The following AHR variants were observed in gnomAD, a reference collection of about 807,000 sequenced individuals.
The protein encoded by AHR is AH-receptor.
A neutral mutation model predicts 86.8 loss-of-function variants in AHR; 40 were observed. The ratio of observed to expected loss-of-function variants is 0.46; its 90% CI spans 0.36 to 0.60. The LOEUF (loss-of-function observed/expected upper bound fraction) is 0.60, where lower values mean the gene tolerates loss of function less well. Among genes scored for constraint, AHR ranks in the 20% least tolerant of loss-of-function variants. The pLI is 0.00. For synonymous variants in AHR, 398 were observed against 354.9 expected (o/e 1.12, Z -1.37); for missense variants, 1,001 against 1,011.6 (o/e 0.99, Z 0.14).
chr7:17,343,811 A>T lies in AHR; in HGVS notation c.*747A>T, dbSNP rs187272302. The T allele has an allele frequency of 2.6e-5, 4 of 152,650 alleles. No individual in the cohort carries two copies. Among genetic ancestry groups the T allele is most frequent in the African/African-American group, 9.6e-5 (4 of 41,456 alleles). The allele number at this position is 152,650 out of a possible 1,614,324, so 9.5% of individuals were successfully genotyped here. ...TAAAGGGCAAATAATGATCGAAAAAATAATTATTTATTACATAATTTAGTT... is the reference window on the plus strand; with the variant it reads ...TAAAGGGCAAATAATGATCGAAAAATTAATTATTTATTACATAATTTAGTT... On this transcript the variant is annotated 3_prime_UTR_variant, in exon 11 of 11. Transcript: ENST00000242057.
Position 17,339,324 on chromosome 7 carries a change from C to G in AHR, c.1499C>G (p.Thr500Ser), listed in dbSNP as rs372146849. The G allele has an allele frequency of 2.5e-6, 4 of 1,614,184 alleles. No homozygotes were observed. Among genetic ancestry groups the G allele is most frequent in the Non-Finnish European group, 3.4e-6 (4 of 1,180,036 alleles). ...MNECRNWQDN[T>S]APMGNDTILK... is the part of the protein sequence containing the mutation. ...GAATGCAGAAATTGGCAAGATAATA[C>G]TGCACCGATGGGAAATGATACTATC... The change falls in exon 10 of 11, where the codon ACT becomes AGT. Residue 500 changes from threonine (T) to serine (S), a missense_variant. Thr to Ser is a moderately conservative substitution (Grantham distance 58). Around this residue, in one of 2 missense-constraint regions of AHR, gnomAD observed 607 missense variants for 543.1 expected, o/e 1.12. Coordinates refer to ENST00000242057, the MANE Select transcript of AHR (RefSeq NM_001621.5).
intron 2 of AHR, among the ~76,000 whole-genome samples, chr7:17,316,352 C>G (rs137954199): frequency 6.6e-6 from 1 of 152,176 alleles, no homozygotes. Flanking sequence ...GGCTCTGTGG[C>G]TCATGCCTGT....
chr7:17,338,038 A>C (rs373285922), intron 9 of AHR, among the ~76,000 whole-genome samples: 1 of 151,412 alleles, frequency 6.6e-6, no homozygotes, highest in East Asian at 2.0e-4. Flanking sequence ...TCTCTACTAA[A>C]AATACAAAAA....
At chr7:17,321,161 A>G (rs1782168452) in intron 2 of AHR, among the ~76,000 whole-genome samples, 1 of 152,060 alleles carries the variant, frequency 6.6e-6, no homozygotes, top group African/African-American at 2.4e-5. Flanking sequence ...TCTTATTCAA[A>G]TATCACAGGT....
At chr7:17,299,428 G>A in intron 1 of AHR, 99 bp downstream of exon 1, 1 of 1,381,034 alleles carries the variant, frequency 7.2e-7, no homozygotes, top group Non-Finnish European at 9.9e-7. Flanking sequence ...TGCGATCCTG[G>A]GATTAGGTCC....
intron 1 of AHR, among the ~76,000 whole-genome samples, chr7:17,303,153 T>G (rs1435885736): frequency 2.0e-5 from 3 of 152,084 alleles, no homozygotes; most frequent in African/African-American, 7.2e-5. Context: ...GACTGTTTAT[T>G]AGCACTTATT....
chr7:17,308,807 CCACATACAT>C (rs1554265579), intron 1 of AHR, among the ~76,000 whole-genome samples: 31 of 152,154 alleles, frequency 2.0e-4, no homozygotes, highest in Non-Finnish European at 7.4e-5. Flanking sequence ...TATTACTTCT[CCACATACAT>C]CACTGAAAAG....
chr7:17,323,451 G>C lies in AHR; in HGVS notation c.360+844G>C, dbSNP rs183399737. 3.0e-3 allele frequency among the ~76,000 whole-genome samples: 453 copies of C among 151,944 alleles called. 3 individuals carry two copies. The highest frequency in any genetic ancestry group is 0.01 in the African/African-American group (415 of 41,466). ...TCTAATTTGTCTATGAAAGCATTTT[G>C]CATCTTTTTTTACTCTTTTTTTTAG... On this transcript the variant is annotated intron_variant, in intron 3 of 10. Coordinates refer to ENST00000242057, the MANE Select transcript of AHR (RefSeq NM_001621.5).
intron 3 of AHR, among the ~76,000 whole-genome samples, chr7:17,327,534 A>T (rs1782241861): frequency 6.6e-6 from 1 of 151,936 alleles, no homozygotes; most frequent in African/African-American, 2.4e-5. Context: ...TATTCTACCA[A>T]AGTTATTCTG....
intron 2 of AHR, among the ~76,000 whole-genome samples, chr7:17,320,380 G>A (rs1006862834): frequency 6.6e-6 from 1 of 151,974 alleles, no homozygotes; most frequent in Non-Finnish European, 1.5e-5. Flanking sequence ...TGATCAAGTA[G>A]TTATCTCTTA....
At chr7:17,299,932 A>G (rs1256162421) in intron 1 of AHR, among the ~76,000 whole-genome samples, 2 of 152,230 alleles carry the variant, frequency 1.3e-5, no homozygotes, top group African/African-American at 4.8e-5. Flanking sequence ...TAGAAGTGGT[A>G]GCAGGTGGGA....
chr7:17,325,085 G>C (rs1475191357), intron 3 of AHR, among the ~76,000 whole-genome samples: 1 of 152,156 alleles, frequency 6.6e-6, no homozygotes, highest in Non-Finnish European at 1.5e-5. Context: ...GATAGGTTGA[G>C]TGAATCTTTG....
chr7:17,340,044 C>T lies in AHR; in HGVS notation c.2219C>T (p.Thr740Ile). The change falls in exon 10 of 11, where the codon ACT becomes ATT. Residue 740 changes from threonine to isoleucine, a missense_variant. This residue lies in a region of AHR where 607 missense variants were observed against 543.1 expected (regional missense o/e 1.12). Coordinates refer to ENST00000242057, the MANE Select transcript of AHR (RefSeq NM_001621.5). ...ACTTCTAGTTTAGAAGATTTTGTCA[C>T]TTGTTTACAACTTCCTGAAAACCAA... ...PTTSSLEDFVTCLQLPENQKH... is the reference protein window; with the variant it reads ...PTTSSLEDFVICLQLPENQKH... 1.2e-6 allele frequency: 2 copies of T among 1,614,204 alleles called. No homozygotes were observed. Among genetic ancestry groups the T allele is most frequent in the South Asian group, 2.2e-5 (2 of 91,080 alleles).
At chr7:17,315,181 A>AAT (rs753213212) in intron 2 of AHR, among the ~76,000 whole-genome samples, 6 of 152,064 alleles carry the variant, frequency 3.9e-5, no homozygotes, top group Non-Finnish European at 5.9e-5. Context: ...TTATTGAATG[A>AAT]ATATACAAAT....
intron 2 of AHR, among the ~76,000 whole-genome samples, chr7:17,316,376 T>A (rs1238756681): frequency 6.6e-6 from 1 of 152,164 alleles, no homozygotes; most frequent in Non-Finnish European, 1.5e-5. Context: ...CCCAGCATTT[T>A]GAGAAGCCAA....
chr7:17,342,114 G>A (rs1293389678), intron 10 of AHR, among the ~76,000 whole-genome samples: 9 of 152,070 alleles, frequency 5.9e-5, no homozygotes, highest in Non-Finnish European at 1.3e-4. Context: ...GCTTTACAAA[G>A]GTAGATTTTA....
chr7:17,306,495 C>T (rs1014118493), intron 1 of AHR, among the ~76,000 whole-genome samples: 1 of 152,068 alleles, frequency 6.6e-6, no homozygotes, highest in African/African-American at 2.4e-5. Flanking sequence ...GACTTTCTTC[C>T]TCTGTGTATT....
Position 17,339,064 on chromosome 7 carries a change from G to A in AHR, c.1239G>A (p.Leu413=), listed in dbSNP as rs368011626. ...TGTTTACCACTGGAGAAGCTGTGTTGTATGAGGCAACCAACCCTTTTCCTG... is the reference window on the plus strand; with the variant it reads ...TGTTTACCACTGGAGAAGCTGTGTTATATGAGGCAACCAACCCTTTTCCTG... The part of the protein sequence containing the change: ...PFMFTTGEAV[L]YEATNPFPAI... The change falls in exon 10 of 11, where the codon TTG becomes TTA. Residue 413 remains leucine, a synonymous_variant. Transcript: ENST00000242057. The A allele has an allele frequency of 1.1e-5, 18 of 1,613,984 alleles. No individual in the cohort carries two copies. The highest frequency in any genetic ancestry group is 2.7e-5 in the African/African-American group (2 of 74,882).
rs1782472242 is a variant in AHR, at chr7:17,345,354, T to A, written c.*2290T>A. 6.6e-6 allele frequency: 1 copy of A among 152,606 alleles called. No individual in the cohort carries two copies. The highest frequency in any genetic ancestry group is 1.5e-5 in the Non-Finnish European group (1 of 68,030). The allele number at this position is 152,606 out of a possible 1,614,324, so 9.5% of individuals were successfully genotyped here. On this transcript the variant is annotated 3_prime_UTR_variant, in exon 11 of 11. Coordinates refer to ENST00000242057, the MANE Select transcript of AHR (RefSeq NM_001621.5). ...CAATTTTTATTTCTTTTACTTTTTT[T>A]AGTAAGTTAATGTATATAAAAATGG... is the stretch of plus-strand genomic sequence containing the variant.
Sources: allele counts gnomAD v4.1 joint callset (sites outside exome capture counted in the v4.1 genomes callset), GRCh38; gene constraint gnomAD v4.1.1; regional missense constraint gnomAD v4.1.1; transcripts MANE v1.5; gene names NCBI Gene and HGNC (gene_info 2026-07-23, HGNC 2026-07-21).